The following KIAA0825 variants were observed in gnomAD, a reference collection of about 807,000 sequenced individuals.
The protein encoded by KIAA0825 is KIAA0825.
Under a neutral mutation model 147.6 loss-of-function variants are expected in KIAA0825, and 119 were observed. That is an observed-to-expected ratio of 0.81 (90% CI 0.69 to 0.94). The LOEUF (loss-of-function observed/expected upper bound fraction) is 0.94, where lower values mean the gene tolerates loss of function less well. Ranked by LOEUF, KIAA0825 falls within the 40% of genes least tolerant of loss-of-function variation. The probability of loss-of-function intolerance (pLI) is 0.00; values close to 1 mark genes in which losing one functional copy is unlikely to be tolerated. For missense variants in KIAA0825, 1,381 were observed against 1,472.7 expected, an observed-to-expected ratio of 0.94 and a Z score of 1.02; for synonymous variants, 470 against 518.1, an observed-to-expected ratio of 0.91 and a Z score of 1.26.
intron 20 of KIAA0825, among the ~76,000 whole-genome samples, chr5:94,167,353 G>C (rs932085490): frequency 6.6e-6 from 1 of 152,104 alleles, no homozygotes; most frequent in Non-Finnish European, 1.5e-5. Context: ...TAAAATTTCT[G>C]TATAGGTTGT....
intron 1 of KIAA0825, among the ~76,000 whole-genome samples, chr5:94,600,297 G>C (rs1384418026): frequency 6.6e-6 from 1 of 151,948 alleles, no homozygotes; most frequent in Non-Finnish European, 1.5e-5. Flanking sequence ...TTTCTTCCCT[G>C]TCCCATCAGT....
chr5:94,515,805 AAATTAG>A (rs1767146916), intron 5 of KIAA0825, among the ~76,000 whole-genome samples: 2 of 151,924 alleles, frequency 1.3e-5, no homozygotes, highest in Admixed American at 1.3e-4. Flanking sequence ...AAAAAAAAAA[AAATTAG>A]AGAAACTATA....
intron 20 of KIAA0825, among the ~76,000 whole-genome samples, chr5:94,372,569 G>C (rs1222105399): frequency 1.3e-5 from 2 of 152,220 alleles, no homozygotes; most frequent in African/African-American, 4.8e-5. Context: ...TCCAAGGCTG[G>C]AGCTGAAGCA....
chr5:94,231,085 C>T (rs894142007), intron 20 of KIAA0825, among the ~76,000 whole-genome samples: 10 of 152,086 alleles, frequency 6.6e-5, no homozygotes, highest in African/African-American at 2.4e-4. Context: ...AAAGTTTTCC[C>T]ATGAAAAATT....
At chr5:94,611,404 C>A (rs1251689523) in intron 1 of KIAA0825, among the ~76,000 whole-genome samples, 2 of 151,958 alleles carry the variant, frequency 1.3e-5, no homozygotes, top group African/African-American at 4.8e-5. Context: ...CACCATGTAT[C>A]TGAAACAAAA....
At chr5:94,459,909 T>A (rs1211231220) in intron 12 of KIAA0825, among the ~76,000 whole-genome samples, 1 of 152,162 alleles carries the variant, frequency 6.6e-6, no homozygotes, top group Non-Finnish European at 1.5e-5. Context: ...TATTTTAATT[T>A]AAAATAAAAA....
chr5:94,509,101 C>T (rs148387463), intron 5 of KIAA0825, among the ~76,000 whole-genome samples: 8 of 152,244 alleles, frequency 5.3e-5, no homozygotes, highest in African/African-American at 1.9e-4. Context: ...AATACTGCTT[C>T]AAAGAGGCAT....
chr5:94,460,584 CA>C (rs1327840603), intron 12 of KIAA0825, among the ~76,000 whole-genome samples: 2 of 152,106 alleles, frequency 1.3e-5, no homozygotes, highest in Admixed American at 6.5e-5. Context: ...TACTTTTCAC[CA>C]ATTCCTCAAA....
chr5:94,433,739 A>G (rs771381168), intron 14 of KIAA0825, among the ~76,000 whole-genome samples: 19 of 152,228 alleles, frequency 1.2e-4, no homozygotes, highest in Middle Eastern at 6.3e-3. Context: ...CTACTTAGAA[A>G]CAATGTCTGG....
intron 20 of KIAA0825, among the ~76,000 whole-genome samples, chr5:94,199,132 G>T (rs1771421877): frequency 6.6e-6 from 1 of 152,184 alleles, no homozygotes; most frequent in Non-Finnish European, 1.5e-5. Context: ...TTTTAGAGTT[G>T]CCAGAATTCT....
At chr5:94,460,013 G>A (rs1759615000) in intron 12 of KIAA0825, among the ~76,000 whole-genome samples, 1 of 152,028 alleles carries the variant, frequency 6.6e-6, no homozygotes, top group Admixed American at 6.6e-5. Flanking sequence ...TAGAGAGGCA[G>A]CAACATTTGT....
At chr5:94,220,169 G>A (rs1773557922) in intron 20 of KIAA0825, among the ~76,000 whole-genome samples, 1 of 151,878 alleles carries the variant, frequency 6.6e-6, no homozygotes, top group Non-Finnish European at 1.5e-5. Context: ...TAAAAACTAA[G>A]ACTGAAACAC....
intron 20 of KIAA0825, among the ~76,000 whole-genome samples, chr5:94,376,033 G>C (rs1023533328): frequency 2.6e-5 from 4 of 152,192 alleles, no homozygotes; most frequent in Non-Finnish European, 2.9e-5. Context: ...CCATCACTTA[G>C]AGCTCGGTAC....
At chr5:94,410,200 A>G (rs75568207) in intron 15 of KIAA0825, among the ~76,000 whole-genome samples, 2 of 2,508 alleles carry the variant, frequency 8.0e-4, no homozygotes, top group African/African-American at 0.025. Context: ...ACACTGCAGA[A>G]AAAAAAAAAA....
rs183291192 is a variant in KIAA0825, at chr5:94,474,017, A to G, written c.1228-498T>C. ...ACTCCAGACAAGCCAAAAAATAGCAATAAGAAATAAATTTCTCAGAGAAAA... is the reference window on the plus strand; with the variant it reads ...ACTCCAGACAAGCCAAAAAATAGCAGTAAGAAATAAATTTCTCAGAGAAAA... On this transcript the variant is annotated intron_variant, in intron 7 of 20. Transcript: ENST00000682413. 1.1e-3 allele frequency among the ~76,000 whole-genome samples: 172 copies of G among 152,354 alleles called. 1 individual carries two copies. Among genetic ancestry groups the G allele is most frequent in the African/African-American group, 4.0e-3 (165 of 41,588 alleles).
At chr5:94,443,282 G>C (rs1757317630) in intron 13 of KIAA0825, among the ~76,000 whole-genome samples, 1 of 151,658 alleles carries the variant, frequency 6.6e-6, no homozygotes, top group South Asian at 2.1e-4. Context: ...CCTTTGAGCT[G>C]GTGGAGCTGT....
intron 2 of KIAA0825, among the ~76,000 whole-genome samples, chr5:94,554,169 G>A (rs1020145735): frequency 3.9e-5 from 6 of 152,158 alleles, no homozygotes; most frequent in African/African-American, 1.4e-4. Context: ...ATTCTATGAG[G>A]CAGTAATCTC....
chr5:94,167,011 C>G (rs1768110055), intron 20 of KIAA0825, among the ~76,000 whole-genome samples: 1 of 152,058 alleles, frequency 6.6e-6, no homozygotes, highest in African/African-American at 2.4e-5. Flanking sequence ...AAATCCATTA[C>G]AAACCAGAAT....
At chr5:94,527,368 T>C (rs1769522939) in intron 3 of KIAA0825, among the ~76,000 whole-genome samples, 1 of 151,998 alleles carries the variant, frequency 6.6e-6, no homozygotes, top group Admixed American at 6.6e-5. Context: ...AAAGTTCTTA[T>C]AAGATTTCAA....
Sources: gnomAD v4.1 joint callset for allele counts (sites outside exome capture counted in the v4.1 genomes callset) on GRCh38, gnomAD v4.1.1 for gene constraint, MANE v1.5 for transcripts, NCBI Gene and HGNC (gene_info 2026-07-23, HGNC 2026-07-21) for gene names.